The following EPHA4 variants were observed in gnomAD, a reference collection of about 807,000 sequenced individuals.
EPHA4 encodes the protein EPH receptor A4.
In EPHA4, 19 loss-of-function variants were observed where a neutral mutation model predicts 108.3. The ratio of observed to expected loss-of-function variants is 0.18; its 90% CI spans 0.12 to 0.26. The LOEUF (loss-of-function observed/expected upper bound fraction) is 0.26, where lower values mean the gene tolerates loss of function less well. EPHA4 is among the 10% of genes least tolerant of loss of function. EPHA4 has a pLI of 1.00. For missense variants in EPHA4, 917 were observed against 1,254.0 expected (o/e 0.73, Z 4.06); for synonymous variants, 449 against 455.5 (o/e 0.99, Z 0.18).
intron 3 of EPHA4, among the ~76,000 whole-genome samples, chr2:221,549,756 G>A (rs1694106294): frequency 6.6e-6 from 1 of 152,240 alleles, no homozygotes; most frequent in Non-Finnish European, 1.5e-5. Flanking sequence ...GGGGGCCCAG[G>A]CAGGCAGATT....
chr2:221,537,842 A>G (rs1048316885), intron 3 of EPHA4, among the ~76,000 whole-genome samples: 1 of 152,190 alleles, frequency 6.6e-6, no homozygotes, highest in African/African-American at 2.4e-5. Context: ...GATGACGAAG[A>G]AGGAGGAGGA....
At chr2:221,511,448 A>G (rs961109976) in intron 3 of EPHA4, among the ~76,000 whole-genome samples, 2 of 125,334 alleles carry the variant, frequency 1.6e-5, no homozygotes, top group South Asian at 4.9e-4. Flanking sequence ...CCTGTAACCA[A>G]TCCAGCTGTT....
At chr2:221,436,719 A>G in intron 12 of EPHA4, 111 bp from the exon 13 acceptor site, 1 of 1,103,636 alleles carries the variant, frequency 9.1e-7, no homozygotes, top group Non-Finnish European at 1.3e-6. Context: ...TATGCAATGA[A>G]ACTCAACATT....
At chr2:221,524,110 C>T (rs1022495786) in intron 3 of EPHA4, among the ~76,000 whole-genome samples, 7 of 152,196 alleles carry the variant, frequency 4.6e-5, no homozygotes, top group Admixed American at 6.5e-5. Context: ...GCTGGACTTG[C>T]AGAGGGCAAT....
At chr2:221,545,894 T>G (rs1341928826) in intron 3 of EPHA4, among the ~76,000 whole-genome samples, 1 of 152,244 alleles carries the variant, frequency 6.6e-6, no homozygotes, top group Non-Finnish European at 1.5e-5. Context: ...TTCCATTGTC[T>G]GAGCAGATGC....
intron 3 of EPHA4, among the ~76,000 whole-genome samples, chr2:221,501,574 G>A (rs1455918088): frequency 6.6e-6 from 1 of 152,110 alleles, no homozygotes; most frequent in Non-Finnish European, 1.5e-5. Context: ...GCAGTTAATT[G>A]AGGGCACAAG....
chr2:221,522,062 T>C (rs553942928), intron 3 of EPHA4, among the ~76,000 whole-genome samples: 1 of 152,264 alleles, frequency 6.6e-6, no homozygotes, highest in African/African-American at 2.4e-5. Context: ...GGAACTAGCA[T>C]TTACTGAGCA....
At chr2:221,533,595 A>G (rs563146650) in intron 3 of EPHA4, among the ~76,000 whole-genome samples, 33 of 152,160 alleles carry the variant, frequency 2.2e-4, no homozygotes, top group African/African-American at 7.9e-4. Context: ...AGATTACAGC[A>G]CGCTGAACGA....
chr2:221,459,424 C>G (rs968907990), intron 5 of EPHA4, among the ~76,000 whole-genome samples: 7 of 151,982 alleles, frequency 4.6e-5, no homozygotes, highest in Admixed American at 1.3e-4. Flanking sequence ...AAGGCAATCC[C>G]AAGGTTAGTA....
At position 221,496,197 on chromosome 2, in the gene EPHA4, G is replaced by A. The variant is rs369544256; in HGVS notation, c.979+4820C>T. Among the ~76,000 whole-genome samples, 55 of 152,228 alleles carry A rather than the reference G, an allele frequency of 3.6e-4. 3 individuals carry two copies. In the South Asian group the frequency reaches 0.011, roughly 32 times the overall value. ...AGAGGTTCTTTGAGAAACTCCTACTGTCTTCTCTGTTGGAACGTCTACTAC... is the reference window on the plus strand; with the variant it reads ...AGAGGTTCTTTGAGAAACTCCTACTATCTTCTCTGTTGGAACGTCTACTAC... On this transcript the variant is annotated intron_variant, in intron 4 of 17. Coordinates refer to ENST00000281821, the MANE Select transcript of EPHA4 (RefSeq NM_004438.5).
At chr2:221,502,380 G>A (rs956387009) in intron 3 of EPHA4, 35 of 374,164 alleles carry the variant, frequency 9.4e-5, no homozygotes, top group Admixed American at 3.4e-4. Context: ...TTTCCAGCAT[G>A]ATTCACTCTC....
Position 221,419,747 on chromosome 2 carries a change from G to A in EPHA4, c.*1625C>T, listed in dbSNP as rs1051882820. The A allele has an allele frequency of 6.6e-6, 1 of 152,474 alleles. No individual in the cohort carries two copies. The highest frequency in any genetic ancestry group is 2.4e-5 in the African/African-American group (1 of 41,420). 9.4% of individuals were successfully genotyped at this position (152,474 alleles called of 1,614,324 possible). A position where few individuals can be genotyped will look rare whatever the true frequency, so the allele number is the denominator to read the frequency against. Reference sequence around the variant, plus strand: ...TTAGTGTGACAGCTACAAAATACACGTGTAGATACAGGATGCGTGTAGATA... The same window carrying A: ...TTAGTGTGACAGCTACAAAATACACATGTAGATACAGGATGCGTGTAGATA... On this transcript the variant is annotated 3_prime_UTR_variant, in exon 18 of 18. Coordinates refer to ENST00000281821, the MANE Select transcript of EPHA4 (RefSeq NM_004438.5).
intron 3 of EPHA4, among the ~76,000 whole-genome samples, chr2:221,555,808 G>T (rs1345293430): frequency 6.6e-6 from 1 of 152,138 alleles, no homozygotes; most frequent in African/African-American, 2.4e-5. Context: ...CAGATAACCA[G>T]TTTTTAAAAA....
At chr2:221,477,741 T>C (rs1691700723) in intron 5 of EPHA4, among the ~76,000 whole-genome samples, 1 of 152,188 alleles carries the variant, frequency 6.6e-6, no homozygotes, top group Admixed American at 6.5e-5. Flanking sequence ...AGAGACCATT[T>C]CTAAACATGT....
chr2:221,462,549 C>T (rs1691181253), intron 5 of EPHA4, among the ~76,000 whole-genome samples: 1 of 152,136 alleles, frequency 6.6e-6, no homozygotes, highest in East Asian at 1.9e-4. Flanking sequence ...AAAATCTTTA[C>T]TGTAGATATC....
At chr2:221,526,038 T>G (rs755226618) in intron 3 of EPHA4, among the ~76,000 whole-genome samples, 7 of 152,228 alleles carry the variant, frequency 4.6e-5, no homozygotes, top group Non-Finnish European at 1.0e-4. Flanking sequence ...ATAACTAATA[T>G]TTATTGAAGA....
intron 5 of EPHA4, among the ~76,000 whole-genome samples, 170 bp from the exon 6 acceptor site, chr2:221,458,160 T>C (rs1158648209): frequency 1.3e-5 from 2 of 152,188 alleles, no homozygotes; most frequent in African/African-American, 2.4e-5. Flanking sequence ...CATCCTTCTC[T>C]CCAGTATATT....
In EPHA4 at chr2:221,563,977, C is replaced by T; in HGVS notation, c.577G>A (p.Ala193Thr). The part of the protein sequence containing the change: ...LAFQDVGACI[A>T]LVSVRVFYKK... ...TAGAACACACGGACTGATACCAGGG[C>T]GATGCAGGCCCCCACATCCTGAAAA... is the stretch of plus-strand genomic sequence containing the variant. The change falls in exon 3 of 18, where the codon GCC becomes ACC. Residue 193 changes from alanine (A) to threonine (T), a missense_variant. By Grantham distance (58) the Ala-to-Thr change is moderately conservative. Around this residue, in one of 3 missense-constraint regions of EPHA4, gnomAD observed 758 missense variants for 1,076.7 expected, o/e 0.70. Coordinates refer to ENST00000281821, the MANE Select transcript of EPHA4 (RefSeq NM_004438.5). 1.2e-6 allele frequency: 2 copies of T among 1,613,906 alleles called. No homozygotes were observed. The highest frequency in any genetic ancestry group is 1.3e-5 in the African/African-American group (1 of 74,956).
At chr2:221,479,166 T>A (rs1691746956) in intron 5 of EPHA4, among the ~76,000 whole-genome samples, 1 of 152,208 alleles carries the variant, frequency 6.6e-6, no homozygotes, top group Non-Finnish European at 1.5e-5. Context: ...GCTGAATACA[T>A]GAATGCCATT....
Sources: gnomAD v4.1 joint callset for allele counts (sites outside exome capture counted in the v4.1 genomes callset) on GRCh38, gnomAD v4.1.1 for gene constraint, gnomAD v4.1.1 regional missense constraint, MANE v1.5 for transcripts, NCBI Gene and HGNC (gene_info 2026-07-23, HGNC 2026-07-21) for gene names.